The following CASK variants were observed in gnomAD, a reference collection of about 807,000 sequenced individuals.
CASK encodes the protein peripheral plasma membrane protein CASK.
In CASK, 4 loss-of-function variants were observed where a neutral mutation model predicts 82.9. That is an observed-to-expected ratio of 0.05 (90% CI 0.02 to 0.11). The LOEUF is 0.11. Among genes scored for constraint, CASK ranks in the 10% least tolerant of loss-of-function variants. The pLI is 1.00. For synonymous variants in CASK, 259 were observed against 253.5 expected (o/e 1.02, Z -0.20); for missense variants, 358 against 720.9 (o/e 0.50, Z 5.76).
At chrX:41,663,115 T>A (rs749467039) in intron 7 of CASK, among the ~76,000 whole-genome samples, 1 of 111,474 alleles carries the variant, frequency 9.0e-6, no homozygotes, top group Non-Finnish European at 1.9e-5. Flanking sequence ...TGTAATAATA[T>A]GTTGAATACA....
At chrX:41,861,231 GGT>G (rs746218070) in intron 1 of CASK, among the ~76,000 whole-genome samples, 2 of 110,699 alleles carry the variant, frequency 1.8e-5, no homozygotes, top group Admixed American at 9.6e-5. Flanking sequence ...AAATTTGATT[GGT>G]GTGTGTGTGT....
intron 18 of CASK, chrX:41,558,267 G>A (rs915151287): frequency 9.1e-5 from 10 of 109,581 alleles, no homozygotes; most frequent in African/African-American, 3.3e-4. Context: ...TGGAGGTGGA[G>A]CTAGGAGAGA....
intron 4 of CASK, among the ~76,000 whole-genome samples, chrX:41,744,892 C>T (rs1261663960): frequency 9.0e-6 from 1 of 111,293 alleles, no homozygotes; most frequent in Admixed American, 9.5e-5. Flanking sequence ...ATAAAAAAAC[C>T]CAAGTAGAAT....
At chrX:41,848,217 A>C (rs2071196098) in intron 2 of CASK, among the ~76,000 whole-genome samples, 1 of 111,777 alleles carries the variant, frequency 8.9e-6, no homozygotes, top group African/African-American at 3.3e-5. Context: ...GAGTCAGGCC[A>C]ATTAAAGATG....
chrX:41,543,395 G>A (rs1423071520), intron 21 of CASK, among the ~76,000 whole-genome samples: 1 of 111,606 alleles, frequency 9.0e-6, no homozygotes, highest in African/African-American at 3.3e-5. Context: ...GATGGCTATT[G>A]TAAAGGTTTA....
chrX:41,619,089 C>T (rs1048876157), intron 11 of CASK, among the ~76,000 whole-genome samples: 4 of 110,625 alleles, frequency 3.6e-5, no homozygotes, highest in African/African-American at 1.3e-4. Context: ...CTTGGCCTCC[C>T]AAAGTGCTGG....
chrX:41,779,914 CTAA>C (rs1290936773), intron 3 of CASK, among the ~76,000 whole-genome samples: 1 of 109,378 alleles, frequency 9.1e-6, no homozygotes, highest in Non-Finnish European at 1.9e-5. Flanking sequence ...ACACAAACTG[CTAA>C]TATTATTTTA....
At chrX:41,695,916 A>C (rs200776817) in intron 5 of CASK, 14 of 1,206,582 alleles carry the variant, frequency 1.2e-5, no homozygotes, top group Non-Finnish European at 1.3e-5. Context: ...TTATCTACTT[A>C]ACGTAGCCAT....
intron 21 of CASK, among the ~76,000 whole-genome samples, chrX:41,547,360 TAGA>T (rs1200372773): frequency 8.9e-6 from 1 of 111,751 alleles, no homozygotes; most frequent in Non-Finnish European, 1.9e-5. Context: ...TTGTTTGTTG[TAGA>T]AACTAGTTTG....
chrX:41,665,151 C>A (rs2067096140), intron 7 of CASK, 126 bp downstream of exon 7: 2 of 576,019 alleles, frequency 3.5e-6, no homozygotes, highest in African/African-American at 4.5e-5. Context: ...TAAGCAAAGA[C>A]CTTTTCTCTG....
chrX:41,821,694 C>T (rs1371190706), intron 2 of CASK, among the ~76,000 whole-genome samples: 1 of 112,391 alleles, frequency 8.9e-6, no homozygotes, highest in Non-Finnish European at 1.9e-5. Flanking sequence ...TGAAATGGAA[C>T]ATTACTAACC....
chrX:41,648,350 C>G (rs1047457769), intron 8 of CASK, among the ~76,000 whole-genome samples: 6 of 111,341 alleles, frequency 5.4e-5, no homozygotes, highest in African/African-American at 2.0e-4. Flanking sequence ...GACAATAGTG[C>G]CTGAAACTTC....
chrX:41,702,533 C>T (rs1431013584), intron 5 of CASK, among the ~76,000 whole-genome samples: 2 of 112,009 alleles, frequency 1.8e-5, no homozygotes, highest in South Asian at 3.7e-4. Context: ...TGGTGGCTCA[C>T]GCCTGTAATT....
At chrX:41,775,229 T>C (rs761000015) in intron 3 of CASK, among the ~76,000 whole-genome samples, 1 of 110,052 alleles carries the variant, frequency 9.1e-6, no homozygotes, top group African/African-American at 3.3e-5. Context: ...GCAAAGGACA[T>C]GAACAGACAC....
Position 41,609,889 on chromosome X carries a change from A to G in CASK, c.1155+15T>C. On this transcript the variant is annotated intron_variant, in intron 12 of 26. Coordinates refer to ENST00000378163, the MANE Select transcript of CASK (RefSeq NM_001367721.1). ...AATTCACCAAAAAAGAAGAATAATA[A>G]AAAGACAGACTTACATCTAGTAGTG... The G allele has an allele frequency of 8.3e-7, 1 of 1,208,966 alleles. No individual in the cohort carries two copies. Among genetic ancestry groups the G allele is most frequent in the East Asian group, 3.0e-5 (1 of 33,771 alleles).
intron 11 of CASK, among the ~76,000 whole-genome samples, chrX:41,611,658 C>CCTCTCT (rs2066050789): frequency 1.8e-5 from 1 of 55,107 alleles, no homozygotes; most frequent in Non-Finnish European, 3.3e-5. Context: ...TCTCCCTCTC[C>CCTCTCT]CTCTCTCTCT....
At position 41,633,596 on chromosome X, in the gene CASK, C is replaced by CT. The variant is rs201315802; in HGVS notation, c.915+2981dup. 3.8e-3 allele frequency among the ~76,000 whole-genome samples: 393 copies of CT among 103,348 alleles called. 7 individuals are homozygous for CT. The highest frequency in any genetic ancestry group is 0.011 in the African/African-American group (307 of 28,730). The allele number at this position is 103,348 out of a possible 115,157, so 89.7% of individuals were successfully genotyped here. On this transcript the variant is annotated intron_variant, in intron 9 of 26. Coordinates refer to ENST00000378163, the MANE Select transcript of CASK (RefSeq NM_001367721.1). Reference sequence around the variant, plus strand: ...AGAAAGTATTGTTATCTAGAGGATTCTTTTTTTTTATTTTTTTTTAATGAA... The same window carrying CT: ...AGAAAGTATTGTTATCTAGAGGATTCTTTTTTTTTTATTTTTTTTTAATGAA...
chrX:41,553,921 A>G lies in CASK; in HGVS notation c.1843-6T>C. 1 of 1,170,184 alleles carries G rather than the reference A, an allele frequency of 8.5e-7. No homozygotes were observed. The highest frequency in any genetic ancestry group is 1.2e-6 in the Non-Finnish European group (1 of 858,215). ...AATTGTGCTCTTACATAGATCTATA[A>G]AACAGGAGTTCGTAAGAAAGGATGC... On this transcript the variant is annotated splice_polypyrimidine_tract_variant and splice_region_variant and intron_variant, in intron 20 of 26. Coordinates refer to ENST00000378163, the MANE Select transcript of CASK (RefSeq NM_001367721.1).
chrX:41,790,319 G>A (rs961897065), intron 2 of CASK: 14 of 352,746 alleles, frequency 4.0e-5, no homozygotes, highest in Non-Finnish European at 6.0e-5. Context: ...CACCCTCCTC[G>A]GCCTCTCAAA....
Sources: allele counts gnomAD v4.1 joint callset (sites outside exome capture counted in the v4.1 genomes callset), GRCh38; gene constraint gnomAD v4.1.1; transcripts MANE v1.5; gene names NCBI Gene and HGNC (gene_info 2026-07-23, HGNC 2026-07-21).